The following DOCK4 variants were observed in gnomAD, a reference collection of about 807,000 sequenced individuals.
DOCK4 encodes the protein dedicator of cytokinesis protein 4.
Under a neutral mutation model 268.1 loss-of-function variants are expected in DOCK4, and 97 were observed. That is an observed-to-expected ratio of 0.36 (90% CI 0.31 to 0.43). DOCK4 has a LOEUF of 0.43. Ranked by LOEUF, DOCK4 falls within the 20% of genes least tolerant of loss-of-function variation. The pLI, the probability that DOCK4 is intolerant of heterozygous loss-of-function variation, is 1.00. For synonymous variants in DOCK4, 954 were observed against 887.2 expected (o/e 1.08, Z -1.34); for missense variants, 2,145 against 2,455.7 (o/e 0.87, Z 2.67).
intron 40 of DOCK4, among the ~76,000 whole-genome samples, chr7:111,759,915 A>G (rs191884001): frequency 0.011 from 1,619 of 152,318 alleles, 33 homozygotes; most frequent in African/African-American, 0.035. Flanking sequence ...AAGAGCTTTA[A>G]AGGCAGGGTT....
intron 7 of DOCK4, among the ~76,000 whole-genome samples, chr7:111,983,862 G>GCACACACACACACACACACACA (rs1554402961): frequency 3.6e-3 from 494 of 138,596 alleles, no homozygotes; most frequent in Middle Eastern, 0.018. Context: ...GCGCGCGCGC[G>GCACACACACACACACACACACA]CACACACACA....
At chr7:112,061,503 G>C (rs912247869) in intron 1 of DOCK4, among the ~76,000 whole-genome samples, 1 of 152,034 alleles carries the variant, frequency 6.6e-6, no homozygotes, top group Non-Finnish European at 1.5e-5. Flanking sequence ...CCTTGGGCCT[G>C]CTACACATGT....
chr7:111,924,530 A>G (rs1012110248), intron 12 of DOCK4, among the ~76,000 whole-genome samples: 8 of 152,352 alleles, frequency 5.3e-5, no homozygotes, highest in South Asian at 4.1e-4. Flanking sequence ...GAGATGTGAT[A>G]TAAGTTTCAC....
chr7:111,932,033 C>G (rs1250412971), intron 12 of DOCK4, among the ~76,000 whole-genome samples: 1 of 152,184 alleles, frequency 6.6e-6, no homozygotes, highest in African/African-American at 2.4e-5. Context: ...CTTAAGGATA[C>G]AGGATCACTT....
intron 4 of DOCK4, among the ~76,000 whole-genome samples, chr7:111,995,367 G>A (rs1028641231): frequency 6.7e-6 from 1 of 150,342 alleles, no homozygotes; most frequent in Admixed American, 6.6e-5. Context: ...CCTACCTTTG[G>A]CATATAATAA....
intron 12 of DOCK4, among the ~76,000 whole-genome samples, chr7:111,921,876 T>A (rs1048471856): frequency 6.6e-6 from 1 of 152,188 alleles, no homozygotes; most frequent in Non-Finnish European, 1.5e-5. Flanking sequence ...CTCCTTAGTG[T>A]CATATAGAAA....
At chr7:111,975,926 G>A (rs2135110761) in intron 8 of DOCK4, among the ~76,000 whole-genome samples, 1 of 151,322 alleles carries the variant, frequency 6.6e-6, no homozygotes, top group African/African-American at 2.4e-5. Flanking sequence ...CATTTTGGGA[G>A]GCCAAGGCAG....
At chr7:112,193,650 G>A (rs1337362141) in intron 1 of DOCK4, among the ~76,000 whole-genome samples, 1 of 151,408 alleles carries the variant, frequency 6.6e-6, no homozygotes, top group Non-Finnish European at 1.5e-5. Context: ...CTCCAGAGGT[G>A]GGCCTGCAGA....
At chr7:111,755,374 G>C in intron 42 of DOCK4, 141 bp downstream of exon 42, 1 of 734,632 alleles carries the variant, frequency 1.4e-6, no homozygotes, top group East Asian at 2.7e-5. Flanking sequence ...TGGTAATAGC[G>C]GTCAAGACCA....
chr7:111,840,531 T>G (rs189368674), intron 25 of DOCK4, among the ~76,000 whole-genome samples: 609 of 149,642 alleles, frequency 4.1e-3, no homozygotes, highest in Non-Finnish European at 5.9e-3. Context: ...TGCTTTTTTG[T>G]TTTTTTTTTC....
At chr7:111,948,113 T>C (rs1795765205) in intron 8 of DOCK4, among the ~76,000 whole-genome samples, 1 of 152,228 alleles carries the variant, frequency 6.6e-6, no homozygotes, top group Non-Finnish European at 1.5e-5. Flanking sequence ...TATTATTAGG[T>C]AATACATTTT....
intron 8 of DOCK4, among the ~76,000 whole-genome samples, chr7:111,958,463 AG>A (rs1300702264): frequency 6.6e-6 from 1 of 152,190 alleles, no homozygotes; most frequent in Non-Finnish European, 1.5e-5. Flanking sequence ...CATAGGGCAA[AG>A]GAAAAAAGAC....
intron 41 of DOCK4, among the ~76,000 whole-genome samples, chr7:111,757,888 TG>T (rs367917037): frequency 0.011 from 1,707 of 151,820 alleles, 33 homozygotes; most frequent in African/African-American, 0.037. Flanking sequence ...AAATACTAAC[TG>T]GGGGGGGTGT....
At chr7:112,104,675 A>G (rs1014219773) in intron 1 of DOCK4, among the ~76,000 whole-genome samples, 3 of 152,198 alleles carry the variant, frequency 2.0e-5, no homozygotes, top group African/African-American at 7.2e-5. Context: ...TATCCAAATG[A>G]CCTATGGTGT....
At chr7:112,116,342 C>T (rs1340499838) in intron 1 of DOCK4, among the ~76,000 whole-genome samples, 3 of 152,128 alleles carry the variant, frequency 2.0e-5, no homozygotes, top group African/African-American at 7.2e-5. Context: ...TGTATCAGTA[C>T]TTCATTCCTT....
intron 1 of DOCK4, among the ~76,000 whole-genome samples, chr7:112,134,748 T>A (rs1014376230): frequency 1.3e-5 from 2 of 151,998 alleles, no homozygotes; most frequent in Non-Finnish European, 2.9e-5. Flanking sequence ...ACAAACTTAA[T>A]AAAATATCTA....
chr7:112,026,016 A>C (rs1292374542), intron 1 of DOCK4, among the ~76,000 whole-genome samples: 1 of 152,238 alleles, frequency 6.6e-6, no homozygotes, highest in Admixed American at 6.5e-5. Context: ...CTGCACAAGC[A>C]ACAGACTCTT....
intron 1 of DOCK4, among the ~76,000 whole-genome samples, chr7:112,118,902 C>T (rs1020152339): frequency 7.2e-5 from 11 of 152,004 alleles, no homozygotes; most frequent in Admixed American, 2.0e-4. Flanking sequence ...TTCATTTTTC[C>T]CTAAATGTAG....
chr7:111,798,729 C>G (rs1048616061), intron 30 of DOCK4, among the ~76,000 whole-genome samples: 2 of 152,222 alleles, frequency 1.3e-5, no homozygotes, highest in Admixed American at 6.5e-5. Context: ...CATCTCTTCC[C>G]AGGCACAGCG....
Sources: allele counts gnomAD v4.1 joint callset (sites outside exome capture counted in the v4.1 genomes callset), GRCh38; gene constraint gnomAD v4.1.1; transcripts MANE v1.5; gene names NCBI Gene and HGNC (gene_info 2026-07-23, HGNC 2026-07-21).